The following ZNF283 variants were observed in gnomAD, a reference collection of about 807,000 sequenced individuals.
The protein encoded by ZNF283 is zinc finger protein 283, also known as zinc finger protein 41.
In ZNF283, 10 loss-of-function variants were observed where a neutral mutation model predicts 9.2. The observed-to-expected ratio is 1.09, with a 90% confidence interval of 0.67 to 1.85. The LOEUF (loss-of-function observed/expected upper bound fraction) is 1.85. ZNF283 is among the 40% of genes most tolerant of loss of function. ZNF283 has a pLI of 0.00. For synonymous variants in ZNF283, 234 were observed against 244.1 expected (o/e 0.96, Z 0.38); for missense variants, 631 against 760.1 (o/e 0.83, Z 2.00).
intron 5 of ZNF283, 146 bp from the exon 6 acceptor site, chr19:43,836,907 C>G (rs753458264): frequency 5.4e-5 from 46 of 851,244 alleles, no homozygotes; most frequent in Non-Finnish European, 8.1e-5. Context: ...GATTTTCTTG[C>G]TTTTTCCTAC....
In ZNF283 at chr19:43,849,421, A is replaced by G. The variant is rs1450169438; in HGVS notation, c.*780A>G. ...AGACATGAGACAAGTGACAATTTAA[A>G]TAAGAAATTCTTCACTTGCACCTCT... On this transcript the variant is annotated 3_prime_UTR_variant, in exon 7 of 7. Transcript: ENST00000618787. 1 of 152,236 alleles carries G rather than the reference A, an allele frequency of 6.6e-6. No homozygotes were observed. Among genetic ancestry groups the G allele is most frequent in the Non-Finnish European group, 1.5e-5 (1 of 68,028 alleles). The allele number at this position is 152,236 out of a possible 1,614,324, so 9.4% of individuals were successfully genotyped here.
Position 43,848,141 on chromosome 19 carries a change from C to A in ZNF283, c.1540C>A (p.Pro514Thr), listed in dbSNP as rs760439193. The change falls in exon 7 of 7, where the codon CCC (proline) becomes ACC (threonine). Residue 514 changes from proline (P) to threonine (T), a missense_variant. Around this residue, in one of 3 missense-constraint regions of ZNF283, gnomAD observed 444 missense variants for 522.5 expected, o/e 0.85. Coordinates refer to ENST00000618787, the MANE Select transcript of ZNF283 (RefSeq NM_181845.2). ...TCAGGTATTTCACACTGGTGAGAAA[C>A]CCTATGAATGTAAGGAATGTGGGAA... ...RHQVFHTGEK[P>T]YECKECGKAF... 54 of 1,613,364 alleles carry A rather than the reference C, an allele frequency of 3.3e-5. No individual in the cohort carries two copies. In the East Asian group the frequency reaches 1.2e-3, roughly 35 times the overall value.
chr19:43,831,908 C>T lies in ZNF283; in HGVS notation c.-1+527C>T, dbSNP rs1025537104. On this transcript the variant is annotated intron_variant, in intron 3 of 6. Coordinates refer to ENST00000618787, the MANE Select transcript of ZNF283 (RefSeq NM_181845.2). Reference sequence around the variant, plus strand: ...CCTTCCAAAGTGCTGGAATTACAGGCGTGAGCCACCACACCCAGCACTTTG... The same window carrying T: ...CCTTCCAAAGTGCTGGAATTACAGGTGTGAGCCACCACACCCAGCACTTTG... Among the ~76,000 whole-genome samples, 5 of 152,304 alleles carry T rather than the reference C, an allele frequency of 3.3e-5. No individual in the cohort carries two copies. In the South Asian group the frequency reaches 6.2e-4, roughly 19 times the overall value.
chr19:43,836,935 A>G (rs1454874721), intron 5 of ZNF283, 118 bp from the exon 6 acceptor site: 3 of 1,114,884 alleles, frequency 2.7e-6, no homozygotes, highest in East Asian at 2.4e-5. Flanking sequence ...AGAGGCTTTC[A>G]GCCTACTCGA....
chr19:43,839,477 C>T (rs1035172178), intron 6 of ZNF283, among the ~76,000 whole-genome samples: 9 of 151,666 alleles, frequency 5.9e-5, no homozygotes, highest in Admixed American at 1.3e-4. Flanking sequence ...TGTATTCCTG[C>T]CTTTTGTCAG....
At chr19:43,843,306 A>G (rs562499359) in intron 6 of ZNF283, among the ~76,000 whole-genome samples, 3 of 152,346 alleles carry the variant, frequency 2.0e-5, no homozygotes, top group African/African-American at 7.2e-5. Context: ...GTGCCACTGC[A>G]TTCCAGCCTG....
intron 2 of ZNF283, among the ~76,000 whole-genome samples, chr19:43,830,150 C>T (rs1398496611): frequency 6.6e-6 from 1 of 152,208 alleles, no homozygotes; most frequent in Admixed American, 6.5e-5. Context: ...TCATGGCTCA[C>T]TGTAGCCTTG....
At position 43,828,296 on chromosome 19, in the gene ZNF283, A is replaced by G. The variant is rs1418442708; in HGVS notation, c.-65+15A>G. On this transcript the variant is annotated intron_variant, in intron 2 of 6. Transcript: ENST00000618787. ...TCAAGGTTCAGGTGAGGTTTTTTAT[A>G]CATACTTTTTAAATACATACACATA... The G allele has an allele frequency of 1.3e-5, 2 of 152,164 alleles. No homozygotes were observed. Among genetic ancestry groups the G allele is most frequent in the African/African-American group, 4.8e-5 (2 of 41,432 alleles). The allele number at this position is 152,164 out of a possible 1,614,324, so 9.4% of individuals were successfully genotyped here.
In ZNF283 at chr19:43,850,628, G is replaced by A. The variant is rs1162332784; in HGVS notation, c.*1987G>A. The A allele has an allele frequency of 6.6e-6, 1 of 151,990 alleles. No homozygotes were observed. Among genetic ancestry groups the A allele is most frequent in the African/African-American group, 2.4e-5 (1 of 41,362 alleles). The allele number at this position is 151,990 out of a possible 1,614,324, so 9.4% of individuals were successfully genotyped here. A position where few individuals can be genotyped will look rare whatever the true frequency, so the allele number is the denominator to read the frequency against. On this transcript the variant is annotated 3_prime_UTR_variant, in exon 7 of 7. Coordinates refer to ENST00000618787, the MANE Select transcript of ZNF283 (RefSeq NM_181845.2). ...TAATTCTTGTATTTTTAGTAGAGAT[G>A]GGGTTTTGCCATGTTGGTCCAGGCT...
At chr19:43,844,125 T>A (rs1426637760) in intron 6 of ZNF283, among the ~76,000 whole-genome samples, 1 of 152,172 alleles carries the variant, frequency 6.6e-6, no homozygotes, top group African/African-American at 2.4e-5. Flanking sequence ...TTATAACAAA[T>A]CATTTATGTT....
chr19:43,842,651 C>A (rs151101565), intron 6 of ZNF283, among the ~76,000 whole-genome samples: 1 of 152,196 alleles, frequency 6.6e-6, no homozygotes, highest in African/African-American at 2.4e-5. Flanking sequence ...TCCCAAGAAC[C>A]TTTCAGTGGG....
intron 2 of ZNF283, among the ~76,000 whole-genome samples, chr19:43,830,357 C>T (rs541569436): frequency 2.0e-5 from 3 of 152,146 alleles, no homozygotes; most frequent in Non-Finnish European, 4.4e-5. Context: ...GGATTACAGG[C>T]GTGAGCCACT....
chr19:43,831,259 A>C, intron 2 of ZNF283, 59 bp from the exon 3 acceptor site: 1 of 1,217,776 alleles, frequency 8.2e-7, no homozygotes, highest in Non-Finnish European at 1.2e-6. Context: ...TTGTTTATGC[A>C]CATTTATTTT....
intron 2 of ZNF283, among the ~76,000 whole-genome samples, chr19:43,829,428 G>C (rs138407930): frequency 1.2e-4 from 19 of 152,196 alleles, no homozygotes; most frequent in African/African-American, 4.3e-4. Context: ...TGGATCCAAA[G>C]TATCTGAATT....
intron 6 of ZNF283, among the ~76,000 whole-genome samples, chr19:43,843,922 C>T (rs992447647): frequency 6.6e-6 from 1 of 152,108 alleles, no homozygotes; most frequent in Admixed American, 6.6e-5. Context: ...AACTATGTAC[C>T]ATGAGAGGCT....
chr19:43,847,041 T>C lies in ZNF283; in HGVS notation c.440T>C (p.Leu147Pro), dbSNP rs1045838437. ...GAGATGAAGGACAAAAGTAAAACCCTTGGCCTTGAGGCATCCATCTTCAGA... is the reference window on the plus strand; with the variant it reads ...GAGATGAAGGACAAAAGTAAAACCCCTGGCCTTGAGGCATCCATCTTCAGA... ...QWEMKDKSKT[L>P]GLEASIFRNN... The change falls in exon 7 of 7, where the codon CTT (leucine) becomes CCT (proline). Residue 147 changes from leucine to proline, a missense_variant. Around this residue, in one of 3 missense-constraint regions of ZNF283, gnomAD observed 184 missense variants for 220.0 expected, o/e 0.84. Coordinates refer to ENST00000618787, the MANE Select transcript of ZNF283 (RefSeq NM_181845.2). The C allele has an allele frequency of 5.6e-6, 9 of 1,611,552 alleles. No homozygotes were observed. Among genetic ancestry groups the C allele is most frequent in the Admixed American group, 1.7e-5 (1 of 59,634 alleles).
At chr19:43,840,980 G>T (rs12608578) in intron 6 of ZNF283, 1 of 151,842 alleles carries the variant, frequency 6.6e-6, no homozygotes, top group Admixed American at 6.6e-5. Context: ...AGGATTACAG[G>T]TGTGGCCCAC....
At chr19:43,830,991 T>C (rs1385853653) in intron 2 of ZNF283, among the ~76,000 whole-genome samples, 4 of 151,116 alleles carry the variant, frequency 2.6e-5, no homozygotes, top group Admixed American at 2.6e-4. Flanking sequence ...TGGAATGATA[T>C]GCACCTAATA....
At chr19:43,839,012 C>T (rs144691050) in intron 6 of ZNF283, among the ~76,000 whole-genome samples, 1 of 152,282 alleles carries the variant, frequency 6.6e-6, no homozygotes, top group East Asian at 1.9e-4. Flanking sequence ...TTTATATTTA[C>T]TCATGTAGTT....
Sources: gnomAD v4.1 joint callset for allele counts (sites outside exome capture counted in the v4.1 genomes callset) on GRCh38, gnomAD v4.1.1 for gene constraint, gnomAD v4.1.1 regional missense constraint, MANE v1.5 for transcripts, NCBI Gene and HGNC (gene_info 2026-07-23, HGNC 2026-07-21) for gene names.